The following DNAH7 variants were observed in gnomAD, a reference collection of about 807,000 sequenced individuals.
DNAH7 encodes dynein axonemal heavy chain 7.
A neutral mutation model predicts 444.6 loss-of-function variants in DNAH7; 397 were observed. The observed-to-expected ratio is 0.89, with a 90% CI of 0.82 to 0.97. The LOEUF (loss-of-function observed/expected upper bound fraction) is 0.97. Ranked by LOEUF, DNAH7 falls within the 50% of genes least tolerant of loss-of-function variation. The pLI is 0.00. For synonymous variants in DNAH7, 1,636 were observed against 1,624.4 expected, an observed-to-expected ratio of 1.01 and a Z score of -0.17; for missense variants, 4,902 against 4,800.8, an observed-to-expected ratio of 1.02 and a Z score of -0.62.
At chr2:195,876,198 T>C (rs1701043320) in intron 37 of DNAH7, among the ~76,000 whole-genome samples, 1 of 152,190 alleles carries the variant, frequency 6.6e-6, no homozygotes, top group African/African-American at 2.4e-5. Flanking sequence ...AGGGTGTTCT[T>C]TGCAGAGGAA....
At chr2:195,910,332 T>C (rs1687283917) in intron 24 of DNAH7, 137 bp from the exon 25 acceptor site, 1 of 633,094 alleles carries the variant, frequency 1.6e-6, no homozygotes, top group South Asian at 2.5e-5. Flanking sequence ...CCCAGTAACC[T>C]CTGAAAATCT....
At position 195,890,590 on chromosome 2, in the gene DNAH7, T is replaced by C. The variant is rs1027166; in HGVS notation, c.5046+1065A>G. ...CTTATTCTGAGCCAGAGTGCCTCCA[T>C]TGTGGCAAGATAGGACCTAAGAAGC... On this transcript the variant is annotated intron_variant, in intron 31 of 64. Transcript: ENST00000312428. 4.7e-3 allele frequency among the ~76,000 whole-genome samples: 719 copies of C among 152,298 alleles called. 6 individuals are homozygous for C. The highest frequency in any genetic ancestry group is 0.029 in the East Asian group (149 of 5,176).
chr2:195,812,741 C>T (rs1439120566), intron 51 of DNAH7, among the ~76,000 whole-genome samples: 1 of 152,068 alleles, frequency 6.6e-6, no homozygotes, highest in African/African-American at 2.4e-5. Flanking sequence ...GATTCTAAAA[C>T]AATCAGGTTG....
At chr2:195,949,606 C>T (rs866419851) in intron 19 of DNAH7, among the ~76,000 whole-genome samples, 92 of 152,092 alleles carry the variant, frequency 6.0e-4, no homozygotes, top group African/African-American at 2.1e-3. Flanking sequence ...CTTTATCCTG[C>T]CTGATTGCCC....
At chr2:195,765,478 C>T (rs1230474119) in intron 61 of DNAH7, among the ~76,000 whole-genome samples, 2 of 152,138 alleles carry the variant, frequency 1.3e-5, no homozygotes, top group Non-Finnish European at 2.9e-5. Context: ...AACTACCTAT[C>T]TGATGAGAGA....
At chr2:195,954,092 A>T (rs945037908) in intron 19 of DNAH7, among the ~76,000 whole-genome samples, 18 of 152,202 alleles carry the variant, frequency 1.2e-4, no homozygotes, top group African/African-American at 4.3e-4. Flanking sequence ...TTTGTTACAT[A>T]TGTATACATG....
In DNAH7 at chr2:195,830,561, C is replaced by T. The variant is rs374387903; in HGVS notation, c.9100+3645G>A. 7.9e-5 allele frequency among the ~76,000 whole-genome samples: 12 copies of T among 152,176 alleles called. No homozygotes were observed. The South Asian group carries it at 1.0e-3, about 13-fold the overall frequency. ...AAGCAGCTTGTAGAAGAGAAACAAA[C>T]GGTTATGCACATAAAATAAGGGCAA... is the stretch of plus-strand genomic sequence containing the variant. On this transcript the variant is annotated intron_variant, in intron 48 of 64. Coordinates refer to ENST00000312428, the MANE Select transcript of DNAH7 (RefSeq NM_018897.3).
At chr2:195,931,855 T>A (rs906270402) in intron 21 of DNAH7, among the ~76,000 whole-genome samples, 2 of 152,046 alleles carry the variant, frequency 1.3e-5, no homozygotes, top group Non-Finnish European at 2.9e-5. Context: ...GTCAGGTAGC[T>A]TGATGCCTCC....
intron 51 of DNAH7, among the ~76,000 whole-genome samples, chr2:195,813,524 G>C (rs1372888938): frequency 6.6e-6 from 1 of 152,154 alleles, no homozygotes; most frequent in African/African-American, 2.4e-5. Context: ...CTTATTTCAA[G>C]TTGCAAAACT....
rs200373928 is a variant in DNAH7 at position 195,957,435 on chromosome 2, G to A, written c.2904C>T (p.Gly968=). The A allele has an allele frequency of 3.6e-4, 553 of 1,556,934 alleles. 5 individuals carry two copies. The South Asian group carries it at 6.0e-3, about 17-fold the overall frequency. The part of the protein sequence containing the change: ...PYEKQMREWE[G]KLLLLQEILD... ...GAATCTCCTGAAGCAGTAGGAGCTT[G>A]CCCTCCCATTCTCTGAGGAGCAAAA... Residue 968 remains glycine, a synonymous_variant, in exon 19 of 65, where the codon GGC becomes GGT. Transcript: ENST00000312428.
chr2:195,764,477 T>G (rs1485571723), intron 61 of DNAH7, among the ~76,000 whole-genome samples: 2 of 152,158 alleles, frequency 1.3e-5, no homozygotes, highest in Non-Finnish European at 2.9e-5. Flanking sequence ...TATGATCTTA[T>G]ATTTGGAAAA....
chr2:195,825,951 C>G (rs1697723029), intron 48 of DNAH7, among the ~76,000 whole-genome samples: 1 of 152,128 alleles, frequency 6.6e-6, no homozygotes, highest in South Asian at 2.1e-4. Flanking sequence ...AACAGCCTGT[C>G]AGATTATTTT....
At chr2:195,753,079 A>G (rs1693881397) in intron 63 of DNAH7, among the ~76,000 whole-genome samples, 1 of 152,198 alleles carries the variant, frequency 6.6e-6, no homozygotes, top group Non-Finnish European at 1.5e-5. Context: ...TAAGAGAGAA[A>G]TAATTTATTC....
At chr2:195,769,550 G>A (rs544803361) in intron 61 of DNAH7, among the ~76,000 whole-genome samples, 10 of 152,114 alleles carry the variant, frequency 6.6e-5, no homozygotes, top group South Asian at 2.1e-4. Flanking sequence ...CTGAGGGATC[G>A]TCTTCAATTG....
intron 24 of DNAH7, among the ~76,000 whole-genome samples, chr2:195,918,923 T>C (rs769717796): frequency 4.6e-5 from 7 of 152,192 alleles, no homozygotes; most frequent in Non-Finnish European, 1.0e-4. Flanking sequence ...GTATCAATAT[T>C]GGTTTATCAA....
intron 28 of DNAH7, among the ~76,000 whole-genome samples, chr2:195,898,416 A>G (rs898083719): frequency 6.6e-6 from 1 of 152,220 alleles, no homozygotes; most frequent in African/African-American, 2.4e-5. Context: ...CTTCTTATCA[A>G]CATCTTATTC....
intron 17 of DNAH7, 48 bp from the exon 18 acceptor site, chr2:195,960,993 T>C: frequency 7.3e-7 from 1 of 1,367,150 alleles, no homozygotes; most frequent in South Asian, 2.0e-5. Context: ...AAGTGAATGA[T>C]ACTGCAAATT....
chr2:195,770,552 C>T (rs755699059), intron 61 of DNAH7, among the ~76,000 whole-genome samples: 2 of 152,010 alleles, frequency 1.3e-5, no homozygotes, highest in Non-Finnish European at 2.9e-5. Flanking sequence ...AAATACTCTT[C>T]CCTGAAACGT....
At chr2:195,965,915 ATCAT>A (rs764726559) in intron 17 of DNAH7, among the ~76,000 whole-genome samples, 4 of 150,910 alleles carry the variant, frequency 2.7e-5, no homozygotes, top group Non-Finnish European at 5.9e-5. Flanking sequence ...AACTTTTCAT[ATCAT>A]TAATTTTTAT....
Sources: gnomAD v4.1 joint callset for allele counts (sites outside exome capture counted in the v4.1 genomes callset) on GRCh38, gnomAD v4.1.1 for gene constraint, MANE v1.5 for transcripts, NCBI Gene and HGNC (gene_info 2026-07-23, HGNC 2026-07-21) for gene names.